Variants in AP3B1 observed in about 807,000 individuals in gnomAD.
AP3B1 encodes adaptor related protein complex 3 subunit beta 1, also known as AP-3 complex subunit beta-1.
In AP3B1, 61 loss-of-function variants were observed where a neutral mutation model predicts 132.5. That is an observed-to-expected ratio of 0.46 (90% CI 0.37 to 0.57). The LOEUF is 0.57. Among genes scored for constraint, AP3B1 ranks in the 20% least tolerant of loss-of-function variants. AP3B1 has a pLI of 0.00. For missense variants in AP3B1, 1,120 were observed against 1,289.4 expected (o/e 0.87, Z 2.01); for synonymous variants, 388 against 438.3 (o/e 0.89, Z 1.43).
intron 21 of AP3B1, among the ~76,000 whole-genome samples, chr5:78,094,103 G>C (rs1191728170): frequency 1.3e-5 from 2 of 152,280 alleles, no homozygotes; most frequent in South Asian, 2.1e-4. Flanking sequence ...TAATGACATA[G>C]GTTTACATTT....
intron 20 of AP3B1, 34 bp from the exon 21 acceptor site, chr5:78,101,059 T>G: frequency 7.6e-7 from 1 of 1,323,618 alleles, no homozygotes; most frequent in Non-Finnish European, 1.1e-6. Context: ...TTATCACACG[T>G]TCTGTTTTAA....
intron 7 of AP3B1, among the ~76,000 whole-genome samples, chr5:78,183,739 C>T (rs1446023820): frequency 1.3e-5 from 2 of 151,588 alleles, no homozygotes; most frequent in Non-Finnish European, 2.9e-5. Flanking sequence ...TGGTGGGGCA[C>T]ACCTGTAATC....
intron 11 of AP3B1, among the ~76,000 whole-genome samples, chr5:78,169,074 G>A (rs1743791400): frequency 6.6e-6 from 1 of 151,818 alleles, no homozygotes; most frequent in African/African-American, 2.4e-5. Context: ...TCTACTATAT[G>A]GTACATTTTT....
At chr5:78,087,469 T>C in intron 22 of AP3B1, 1 of 921,170 alleles carries the variant, frequency 1.1e-6, no homozygotes, top group African/African-American at 1.8e-5. Flanking sequence ...TTCAGAGTTC[T>C]AGCATTTTCT....
At chr5:78,152,619 C>T (rs866337354) in intron 14 of AP3B1, among the ~76,000 whole-genome samples, 1 of 151,936 alleles carries the variant, frequency 6.6e-6, no homozygotes, top group African/African-American at 2.4e-5. Flanking sequence ...AGTTAAGATA[C>T]ATCATTAAGT....
intron 7 of AP3B1, among the ~76,000 whole-genome samples, chr5:78,189,962 TATTA>T (rs1198507148): frequency 2.0e-5 from 3 of 150,260 alleles, no homozygotes; most frequent in African/African-American, 7.3e-5. Context: ...ACTAATAAAA[TATTA>T]ATAATAAAAA....
intron 7 of AP3B1, among the ~76,000 whole-genome samples, chr5:78,183,747 A>C (rs1318864778): frequency 6.6e-6 from 1 of 151,688 alleles, no homozygotes; most frequent in Non-Finnish European, 1.5e-5. Flanking sequence ...CACACCTGTA[A>C]TCCCAGCTAC....
At chr5:78,060,690 T>C (rs1242162688) in intron 22 of AP3B1, among the ~76,000 whole-genome samples, 6 of 152,136 alleles carry the variant, frequency 3.9e-5, no homozygotes, top group African/African-American at 1.4e-4. Flanking sequence ...GACTTATTTT[T>C]TTATTTGCCA....
At chr5:78,272,027 T>C (rs145616951) in intron 1 of AP3B1, among the ~76,000 whole-genome samples, 259 of 152,282 alleles carry the variant, frequency 1.7e-3, no homozygotes, top group African/African-American at 5.7e-3. Flanking sequence ...ATAGGAAACA[T>C]TTGCCATCTA....
chr5:78,154,326 T>C (rs1375001980), intron 14 of AP3B1, among the ~76,000 whole-genome samples: 2 of 152,202 alleles, frequency 1.3e-5, no homozygotes, highest in Non-Finnish European at 2.9e-5. Context: ...GCCACAGGTA[T>C]CAGACTTCAA....
In AP3B1 at chr5:78,141,253, C is replaced by A. The variant is rs1392186200; in HGVS notation, c.1540G>T (p.Ala514Ser). 6.2e-7 allele frequency: 1 copy of A among 1,613,690 alleles called. No homozygotes were observed. Reference protein sequence around the residue: ...GENCERVPKIAPDVLRKMAKS... With the variant: ...GENCERVPKISPDVLRKMAKS... Reference sequence around the variant, plus strand: ...GCCATCTTCCTCAAAACATCAGGGGCAATTTTAGGAACTCGTTCACAGTTT... The same window carrying A: ...GCCATCTTCCTCAAAACATCAGGGGAAATTTTAGGAACTCGTTCACAGTTT... The change falls in exon 15 of 27, where the codon GCC becomes TCC. Residue 514 changes from alanine (A) to serine (S), a missense_variant. Around this residue, in one of 3 missense-constraint regions of AP3B1, gnomAD observed 906 missense variants for 997.1 expected, o/e 0.91. Coordinates refer to ENST00000255194, the MANE Select transcript of AP3B1 (RefSeq NM_003664.5).
intron 22 of AP3B1, among the ~76,000 whole-genome samples, chr5:78,076,550 A>G (rs1366453275): frequency 6.6e-6 from 1 of 152,178 alleles, no homozygotes; most frequent in Non-Finnish European, 1.5e-5. Context: ...TCCCTCAGAT[A>G]GCTTATGCTA....
chr5:78,110,029 A>G (rs113304521), intron 20 of AP3B1, among the ~76,000 whole-genome samples, 178 bp downstream of exon 20: 39 of 152,262 alleles, frequency 2.6e-4, no homozygotes, highest in African/African-American at 7.7e-4. Context: ...GAGTTCCTTG[A>G]TTTCAGTGGC....
At chr5:78,126,499 T>TA (rs1206261812) in intron 17 of AP3B1, among the ~76,000 whole-genome samples, 1 of 58,838 alleles carries the variant, frequency 1.7e-5, no homozygotes, top group Admixed American at 3.0e-4. Flanking sequence ...AGCAAGACTC[T>TA]GTCTCAAAAA....
intron 3 of AP3B1, among the ~76,000 whole-genome samples, chr5:78,240,424 T>C (rs1747076052): frequency 6.6e-6 from 1 of 152,232 alleles, no homozygotes; most frequent in Non-Finnish European, 1.5e-5. Context: ...GAGTGCTTAG[T>C]ACATGTCATG....
chr5:78,032,918 A>G (rs1747641600), intron 24 of AP3B1, among the ~76,000 whole-genome samples: 2 of 152,066 alleles, frequency 1.3e-5, no homozygotes, highest in Admixed American at 1.3e-4. Context: ...TACTACCTGC[A>G]TATATATCCA....
At chr5:78,272,281 C>CA (rs1748579537) in intron 1 of AP3B1, among the ~76,000 whole-genome samples, 1 of 140,594 alleles carries the variant, frequency 7.1e-6, no homozygotes, top group Non-Finnish European at 1.6e-5. Flanking sequence ...TGATGTCTTA[C>CA]GCTCCTTAAA....
intron 11 of AP3B1, among the ~76,000 whole-genome samples, chr5:78,166,115 TG>T (rs2112378590): frequency 8.8e-6 from 1 of 114,110 alleles, no homozygotes; most frequent in Non-Finnish European, 1.7e-5. Flanking sequence ...ACTGAAACTC[TG>T]TCACACACAC....
chr5:78,076,694 T>C (rs1481137627), intron 22 of AP3B1, among the ~76,000 whole-genome samples: 1 of 152,206 alleles, frequency 6.6e-6, no homozygotes, highest in East Asian at 1.9e-4. Context: ...TTCAACTATG[T>C]GGCTAGAGTT....
Sources: gnomAD v4.1 joint callset for allele counts (sites outside exome capture counted in the v4.1 genomes callset) on GRCh38, gnomAD v4.1.1 for gene constraint, gnomAD v4.1.1 regional missense constraint, MANE v1.5 for transcripts, NCBI Gene and HGNC (gene_info 2026-07-23, HGNC 2026-07-21) for gene names.